TRIM2: variants seen among roughly 807,000 people sequenced by gnomAD.
The protein encoded by TRIM2 is tripartite motif-containing protein 2.
TRIM2 carries 20 observed loss-of-function variants against 75.2 expected under a neutral mutation model. The ratio of observed to expected loss-of-function variants is 0.27; its 90% CI spans 0.19 to 0.39. The LOEUF is 0.39. Ranked by LOEUF, TRIM2 falls within the 10% of genes least tolerant of loss-of-function variation. The pLI, the probability that TRIM2 is intolerant of heterozygous loss-of-function variation, is 1.00. For missense variants in TRIM2, 660 were observed against 990.8 expected (o/e 0.67, Z 4.48); for synonymous variants, 373 against 388.3 (o/e 0.96, Z 0.46).
At chr4:153,234,541 A>G (rs1744510935) in intron 1 of TRIM2, among the ~76,000 whole-genome samples, 2 of 152,232 alleles carry the variant, frequency 1.3e-5, no homozygotes, top group African/African-American at 4.8e-5. Flanking sequence ...CTCAGTCACA[A>G]AAGTTTGGAA....
intron 1 of TRIM2, among the ~76,000 whole-genome samples, chr4:153,237,544 G>A (rs1440500806): frequency 6.6e-6 from 1 of 152,124 alleles, no homozygotes; most frequent in Non-Finnish European, 1.5e-5. Context: ...GCCGAGGGTG[G>A]TGGCAGGCAC....
rs200192797 is a variant in TRIM2, at chr4:153,161,692, C to T, written c.-49+8422C>T. Among the ~76,000 whole-genome samples the T allele has an allele frequency of 3.9e-5, 6 of 152,320 alleles. No homozygotes were observed. The East Asian group carries it at 9.6e-4, about 24-fold the overall frequency. On this transcript the variant is annotated intron_variant, in intron 1 of 11. Coordinates refer to the TRIM2 transcript ENST00000437508. ...TTAGTTTTCTTTGTATCCTTTGGTT[C>T]TCACAGGCCAACTGCTACAAGGCAG...
intron 1 of TRIM2, among the ~76,000 whole-genome samples, chr4:153,244,257 T>C (rs1342053602): frequency 1.7e-3 from 6 of 3,524 alleles, no homozygotes; most frequent in Admixed American, 2.6e-3. Flanking sequence ...TCTTCTTTCC[T>C]CCTCCTCCTC....
intron 1 of TRIM2, chr4:153,222,701 C>A (rs533123973): frequency 6.6e-6 from 1 of 152,290 alleles, no homozygotes; most frequent in East Asian, 1.9e-4. Context: ...CATTTGGAGC[C>A]GAGGACACCC....
intron 1 of TRIM2, among the ~76,000 whole-genome samples, chr4:153,222,054 G>GTGGA: frequency 8.4e-6 from 1 of 118,636 alleles, no homozygotes; most frequent in African/African-American, 3.2e-5. Context: ...GGAAGGGAGG[G>GTGGA]AGGAAGGAAG....
intron 1 of TRIM2, among the ~76,000 whole-genome samples, chr4:153,227,140 C>G (rs1378299738): frequency 6.6e-6 from 1 of 152,218 alleles, no homozygotes; most frequent in Non-Finnish European, 1.5e-5. Context: ...GCTACAAACA[C>G]TTTCTGAGAG....
chr4:153,295,896 C>T lies in TRIM2; in HGVS notation c.1370C>T (p.Thr457Ile). 6.2e-7 allele frequency: 1 copy of T among 1,612,894 alleles called. No homozygotes were observed. The highest frequency in any genetic ancestry group is 8.5e-7 in the Non-Finnish European group (1 of 1,179,450). ...ATCCGATCCGCTGATGTGTCTCCCA[C>T]CACAGAAGGCGTGAAGAGGCGCGTT... is the stretch of plus-strand genomic sequence containing the variant. The part of the protein sequence containing the change: ...KVIRSADVSP[T>I]TEGVKRRVKS... Residue 457 changes from threonine (T) to isoleucine (I), a missense_variant, in exon 6 of 12, where the codon ACC (threonine) becomes ATC (isoleucine). This residue lies in a region of TRIM2 where 620 missense variants were observed against 891.0 expected (regional missense o/e 0.70). Coordinates refer to ENST00000338700, the MANE Select transcript of TRIM2 (RefSeq NM_015271.5). This position sits in a 1 kb window ranked among gnomAD's most constrained non-coding sequence, Gnocchi z 7.2.
chr4:153,176,830 C>T (rs190870044), intron 1 of TRIM2, among the ~76,000 whole-genome samples: 27 of 152,144 alleles, frequency 1.8e-4, no homozygotes, highest in Non-Finnish European at 2.4e-4. Context: ...AGGCTGGTCT[C>T]GAACTCCTGA....
chr4:153,241,630 G>A lies in TRIM2; in HGVS notation c.31-28705G>A, dbSNP rs1466028101. Reference sequence around the variant, plus strand: ...CCAGGAGCAGAGAACCCAGGGAGCAGGAGCAACAGCAGGGCTAGGAGGAGC... The same window carrying A: ...CCAGGAGCAGAGAACCCAGGGAGCAAGAGCAACAGCAGGGCTAGGAGGAGC... On this transcript the variant is annotated intron_variant, in intron 1 of 11. Transcript: ENST00000338700. Among the ~76,000 whole-genome samples the A allele has an allele frequency of 2.0e-5, 3 of 152,196 alleles. No individual in the cohort carries two copies. The East Asian group carries it at 5.8e-4, about 29-fold the overall frequency.
rs747022098 is a variant in TRIM2, at chr4:153,315,915, G to A, written c.1698G>A (p.Val566=). 63 of 1,613,818 alleles carry A rather than the reference G, an allele frequency of 3.9e-5. No homozygotes were observed. The highest frequency in any genetic ancestry group is 6.6e-5 in the South Asian group (6 of 91,064). The part of the protein sequence containing the change: ...SPGQLQRPTG[V]AVHPSGDIII... ...GGCAGCTGCAGCGGCCCACAGGAGT[G>A]GCTGTACATCCCAGTGGGGACATAA... The change falls in exon 8 of 12, where the codon GTG becomes GTA. Residue 566 remains valine (V), a synonymous_variant. Transcript: ENST00000338700.
intron 1 of TRIM2, among the ~76,000 whole-genome samples, chr4:153,249,226 G>A (rs1302639923): frequency 6.6e-6 from 1 of 152,254 alleles, no homozygotes; most frequent in Non-Finnish European, 1.5e-5. Context: ...TCGGAATACC[G>A]GCGCGCAATC....
intron 1 of TRIM2, among the ~76,000 whole-genome samples, chr4:153,249,296 G>A (rs1313568111): frequency 1.3e-5 from 2 of 152,224 alleles, no homozygotes; most frequent in Admixed American, 1.3e-4. Context: ...CTCGGCTCCC[G>A]CCTCGGGGCG....
chr4:153,208,347 C>A (rs571424849), intron 1 of TRIM2, among the ~76,000 whole-genome samples: 1 of 151,612 alleles, frequency 6.6e-6, no homozygotes, highest in South Asian at 2.1e-4. Context: ...AAGTTGGTTA[C>A]TTTACACAAG....
At chr4:153,161,259 A>G (rs1729709612) in intron 1 of TRIM2, among the ~76,000 whole-genome samples, 1 of 152,370 alleles carries the variant, frequency 6.6e-6, no homozygotes. Context: ...TACTGCTTTT[A>G]CAAGCACAGA....
intron 1 of TRIM2, among the ~76,000 whole-genome samples, chr4:153,257,097 A>G (rs148088661): frequency 0.012 from 1,800 of 152,242 alleles, 15 homozygotes; most frequent in Middle Eastern, 0.044. Context: ...TTCTTCCTAG[A>G]ATCTATTCTC....
intron 2 of TRIM2, among the ~76,000 whole-genome samples, chr4:153,272,267 G>A (rs1756890693): frequency 6.6e-6 from 1 of 151,854 alleles, no homozygotes. Flanking sequence ...TCCTGCCTCA[G>A]CCTCCTGAGT....
intron 3 of TRIM2, among the ~76,000 whole-genome samples, chr4:153,281,056 TAACTC>T (rs1300204454): frequency 1.3e-5 from 2 of 152,032 alleles, no homozygotes; most frequent in Admixed American, 6.6e-5. Context: ...AATGAGCAAA[TAACTC>T]AGAAAATCCA....
At chr4:153,294,734 TTTAGAG>T (rs932129090) in intron 5 of TRIM2, among the ~76,000 whole-genome samples, 1 of 152,216 alleles carries the variant, frequency 6.6e-6, no homozygotes, top group African/African-American at 2.4e-5. Flanking sequence ...GCTTTTAGCA[TTTAGAG>T]TTAAACTGGA....
chr4:153,213,888 T>C (rs1737755714), intron 1 of TRIM2, among the ~76,000 whole-genome samples: 1 of 152,172 alleles, frequency 6.6e-6, no homozygotes, highest in South Asian at 2.1e-4. Flanking sequence ...ATTATTACCA[T>C]TTAACAGAAG....
Sources: gnomAD v4.1 joint callset for allele counts (sites outside exome capture counted in the v4.1 genomes callset) on GRCh38, gnomAD v4.1.1 for gene constraint, gnomAD v4.1.1 regional missense constraint, Gnocchi (gnomAD v3.1) non-coding constraint, MANE v1.5 for transcripts, NCBI Gene and HGNC (gene_info 2026-07-23, HGNC 2026-07-21) for gene names.